The following DNAI1 variants were observed in gnomAD, a reference collection of about 807,000 sequenced individuals.
DNAI1 encodes the protein dynein, axonemal, intermediate polypeptide 1.
DNAI1 carries 67 observed loss-of-function variants against 92.0 expected under a neutral mutation model. The observed-to-expected ratio is 0.73, with a 90% CI of 0.60 to 0.89. The LOEUF is 0.89. Among genes scored for constraint, DNAI1 ranks in the 40% least tolerant of loss-of-function variants. DNAI1 has a pLI of 0.00. For synonymous variants in DNAI1, 323 were observed against 319.6 expected (o/e 1.01, Z -0.11); for missense variants, 839 against 866.6 (o/e 0.97, Z 0.40).
chr9:34,471,592 A>T (rs573810110), intron 1 of DNAI1, among the ~76,000 whole-genome samples: 3 of 152,300 alleles, frequency 2.0e-5, no homozygotes, highest in African/African-American at 7.2e-5. Flanking sequence ...ACTTAGTGAA[A>T]CACTGTCTCT....
At chr9:34,485,365 G>A in intron 3 of DNAI1, 72 bp from the exon 4 acceptor site, 1 of 1,593,740 alleles carries the variant, frequency 6.3e-7, no homozygotes, top group Non-Finnish European at 8.6e-7. Flanking sequence ...GATACTCTGA[G>A]GGATCCTTCT....
intron 9 of DNAI1, among the ~76,000 whole-genome samples, chr9:34,496,130 G>A (rs764917542): frequency 2.0e-5 from 3 of 152,082 alleles, no homozygotes; most frequent in Non-Finnish European, 4.4e-5. Flanking sequence ...GCCACCATCC[G>A]CCCCCACTTA....
At chr9:34,484,022 C>T (rs567638843) in intron 2 of DNAI1, among the ~76,000 whole-genome samples, 30 of 152,000 alleles carry the variant, frequency 2.0e-4, no homozygotes, top group African/African-American at 7.2e-4. Flanking sequence ...TCGAGACCAG[C>T]CTGGCCAACA....
At chr9:34,467,174 G>GGGCCTCAGA (rs1235097401) in intron 1 of DNAI1, among the ~76,000 whole-genome samples, 15 of 152,076 alleles carry the variant, frequency 9.9e-5, no homozygotes, top group South Asian at 2.1e-4. Context: ...GGGGCCTCAG[G>GGGCCTCAGA]GGCCTCAGAT....
chr9:34,517,181 T>TTA, intron 18 of DNAI1, 104 bp from the exon 19 acceptor site: 1 of 1,287,208 alleles, frequency 7.8e-7, no homozygotes, highest in Non-Finnish European at 1.1e-6. Flanking sequence ...GTGCTAGCCA[T>TTA]TAGCCTTCTA....
At chr9:34,495,590 A>T (rs1382530361) in intron 9 of DNAI1, among the ~76,000 whole-genome samples, 3 of 152,198 alleles carry the variant, frequency 2.0e-5, no homozygotes, top group Non-Finnish European at 4.4e-5. Flanking sequence ...CCATTTCATG[A>T]CTGATGGAGC....
At chr9:34,472,315 C>G (rs963299732) in intron 1 of DNAI1, among the ~76,000 whole-genome samples, 1 of 152,196 alleles carries the variant, frequency 6.6e-6, no homozygotes, top group African/African-American at 2.4e-5. Flanking sequence ...CCTTGCTCAA[C>G]GTCTTACATA....
chr9:34,519,553 G>C (rs1825228380), intron 19 of DNAI1, among the ~76,000 whole-genome samples: 2 of 152,146 alleles, frequency 1.3e-5, no homozygotes, highest in African/African-American at 4.8e-5. Context: ...AGGTGAGCTA[G>C]GTAGTGGCAA....
intron 1 of DNAI1, among the ~76,000 whole-genome samples, chr9:34,468,326 G>A (rs975221947): frequency 4.7e-5 from 7 of 150,282 alleles, no homozygotes; most frequent in African/African-American, 1.2e-4. Context: ...GGACTAAGGC[G>A]CCCGCCACCA....
At chr9:34,511,291 C>CTCA (rs1825060780) in intron 13 of DNAI1, among the ~76,000 whole-genome samples, 1 of 152,234 alleles carries the variant, frequency 6.6e-6, no homozygotes, top group Admixed American at 6.5e-5. Context: ...GTCTCCAAAA[C>CTCA]ACTTTCCCAT....
In DNAI1 at chr9:34,502,447, C is replaced by T. The variant is rs971665908; in HGVS notation, c.1063+1266C>T. The stretch of plus-strand genomic sequence containing the variant: ...GACCCCCCTGTGAGGCTACTCTCAA[C>T]CCAGGCTCTCTGCCCAGGTCTGAAG... On this transcript the variant is annotated intron_variant, in intron 12 of 19. Transcript: ENST00000242317. Among the ~76,000 whole-genome samples, 14 of 152,276 alleles carry T rather than the reference C, an allele frequency of 9.2e-5. No individual in the cohort carries two copies. In the East Asian group the frequency reaches 2.7e-3, roughly 29 times the overall value.
intron 9 of DNAI1, among the ~76,000 whole-genome samples, chr9:34,494,815 C>T (rs1824683872): frequency 6.6e-6 from 1 of 152,178 alleles, no homozygotes; most frequent in Admixed American, 6.5e-5. Flanking sequence ...GGACACCCTC[C>T]CCCAGCCCCA....
At position 34,459,027 on chromosome 9, in the gene DNAI1, G is replaced by C. The variant is rs11547035; in HGVS notation, c.22G>C (p.Ala8Pro). Residue 8 changes from alanine (A) to proline (P), a missense_variant, in exon 1 of 20, where the codon GCT (alanine) becomes CCT (proline). Physicochemically the swap from Ala to Pro is conservative, Grantham distance 27 (BLOSUM62 -1). Transcript: ENST00000242317. ...TGAGATGATTCCTGCTTCTGCGAAG[G>C]CTCCCCATAAACAGCCTCATAAGCA... The part of the protein sequence containing the change: MIPASAK[A>P]PHKQPHKQSI... The C allele has an allele frequency of 1.1e-5, 18 of 1,613,940 alleles. No individual in the cohort carries two copies. Among genetic ancestry groups the C allele is most frequent in the Non-Finnish European group, 1.5e-5 (18 of 1,179,954 alleles).
chr9:34,459,931 G>A (rs1433628128), intron 1 of DNAI1, among the ~76,000 whole-genome samples: 2 of 152,184 alleles, frequency 1.3e-5, no homozygotes, highest in Non-Finnish European at 2.9e-5. Flanking sequence ...AGAAAGGGCA[G>A]GCAAAGAGGA....
Position 34,489,376 on chromosome 9 carries a change from C to T in DNAI1, c.315C>T (p.Thr105=). 1 of 1,614,010 alleles carries T rather than the reference C, an allele frequency of 6.2e-7. No individual in the cohort carries two copies. Among genetic ancestry groups the T allele is most frequent in the Non-Finnish European group, 8.5e-7 (1 of 1,179,928 alleles). Residue 105 remains threonine, a synonymous_variant, in exon 5 of 20, where the codon ACC becomes ACT. Coordinates refer to ENST00000242317, the MANE Select transcript of DNAI1 (RefSeq NM_012144.4). The stretch of plus-strand genomic sequence containing the variant: ...TGAACCAACTGGCAGTTCACTACAC[C>T]CAGGTTGGGAACCTGATCCCCAAAG... ...GFVNQLAVHY[T]QVGNLIPKDS... is the part of the protein sequence containing the mutation.
chr9:34,490,112 G>T lies in DNAI1; in HGVS notation c.489G>T (p.Val163=). The part of the protein sequence containing the change: ...LETEPGSQTD[V]PAAGAAEKVT... Reference sequence around the variant, plus strand: ...CTGAGCCTGGGAGTCAAACAGATGTGCCTGCAGCTGGGGTACAGTATAATA... The same window carrying T: ...CTGAGCCTGGGAGTCAAACAGATGTTCCTGCAGCTGGGGTACAGTATAATA... Residue 163 remains valine (V), a synonymous_variant, in exon 6 of 20, where the codon GTG becomes GTT. Transcript: ENST00000242317. The T allele has an allele frequency of 6.2e-7, 1 of 1,614,052 alleles. No individual in the cohort carries two copies. Among genetic ancestry groups the T allele is most frequent in the Non-Finnish European group, 8.5e-7 (1 of 1,179,990 alleles).
At chr9:34,496,690 T>C (rs539912267) in intron 9 of DNAI1, among the ~76,000 whole-genome samples, 1 of 152,302 alleles carries the variant, frequency 6.6e-6, no homozygotes, top group South Asian at 2.1e-4. Context: ...CTTTGAGGCC[T>C]TTAATGGGAG....
At chr9:34,492,493 G>GAGAGATATATATATATATAT (rs1271867592) in intron 8 of DNAI1, among the ~76,000 whole-genome samples, 8 of 68,258 alleles carry the variant, frequency 1.2e-4, no homozygotes, top group South Asian at 9.0e-4. Context: ...GGGATATGAA[G>GAGAGATATATATATATATAT]ATATATATAT....
intron 12 of DNAI1, among the ~76,000 whole-genome samples, chr9:34,502,169 G>A (rs941386325): frequency 1.4e-4 from 22 of 152,200 alleles, no homozygotes; most frequent in Non-Finnish European, 3.1e-4. Context: ...GTGGGGAGGG[G>A]CAGTGGGTGT....
Sources: allele counts gnomAD v4.1 joint callset (sites outside exome capture counted in the v4.1 genomes callset), GRCh38; gene constraint gnomAD v4.1.1; transcripts MANE v1.5; gene names NCBI Gene and HGNC (gene_info 2026-07-23, HGNC 2026-07-21).